Variants in PTPN13 observed in about 807,000 individuals in gnomAD.
PTPN13 encodes the protein protein tyrosine phosphatase non-receptor type 13.
A neutral mutation model predicts 284.0 loss-of-function variants in PTPN13; 191 were observed. That is an observed-to-expected ratio of 0.67 (90% CI 0.60 to 0.76). The LOEUF is 0.76. PTPN13 is among the 30% of genes least tolerant of loss of function. The probability of loss-of-function intolerance (pLI) is 0.00; values close to 1 mark genes in which losing one functional copy is unlikely to be tolerated. For missense variants in PTPN13, 2,797 were observed against 2,939.9 expected (o/e 0.95, Z 1.12); for synonymous variants, 986 against 1,022.3 (o/e 0.96, Z 0.68).
intron 47 of PTPN13, among the ~76,000 whole-genome samples, chr4:86,812,309 C>CA (rs555017151): frequency 0.16 from 9,035 of 55,922 alleles, 896 homozygotes; most frequent in East Asian, 0.34. Context: ...GACTCCGTCT[C>CA]AAAAAAAAAA....
chr4:86,811,167 G>C, intron 47 of PTPN13, 59 bp downstream of exon 47: 1 of 1,491,032 alleles, frequency 6.7e-7, no homozygotes, highest in Non-Finnish European at 9.1e-7. Flanking sequence ...TATTTTTTAA[G>C]GTTCTTATTA....
Position 86,775,156 on chromosome 4 carries a change from T to G in PTPN13, c.5509-15T>G. On this transcript the variant is annotated splice_polypyrimidine_tract_variant and intron_variant, in intron 33 of 47. Transcript: ENST00000411767. ...AAAATTGTGATCTTCACATGCCCCTTTCTTGTTTTTGTAGGTTAATGATAC... is the reference window on the plus strand; with the variant it reads ...AAAATTGTGATCTTCACATGCCCCTGTCTTGTTTTTGTAGGTTAATGATAC... 6 of 1,564,844 alleles carry G rather than the reference T, an allele frequency of 3.8e-6. No individual in the cohort carries two copies. Among genetic ancestry groups the G allele is most frequent in the Non-Finnish European group, 5.2e-6 (6 of 1,158,866 alleles).
intron 15 of PTPN13, among the ~76,000 whole-genome samples, chr4:86,738,840 C>G (rs554750523): frequency 6.6e-6 from 1 of 152,212 alleles, no homozygotes; most frequent in South Asian, 2.1e-4. Context: ...ACCACCATAC[C>G]TGGCTAATTT....
chr4:86,793,197 G>A (rs942618414), intron 40 of PTPN13, among the ~76,000 whole-genome samples: 2 of 151,990 alleles, frequency 1.3e-5, no homozygotes, highest in Admixed American at 6.6e-5. Flanking sequence ...AAAAAAGCAG[G>A]GGTTGCAATC....
At chr4:86,755,543 A>T (rs1033827114) in intron 20 of PTPN13, among the ~76,000 whole-genome samples, 1 of 152,054 alleles carries the variant, frequency 6.6e-6, no homozygotes, top group Non-Finnish European at 1.5e-5. Context: ...CAAACCACGA[A>T]CTATAGATGG....
chr4:86,600,291 C>G (rs1000905368), intron 1 of PTPN13, among the ~76,000 whole-genome samples: 16 of 151,964 alleles, frequency 1.1e-4, no homozygotes, highest in Admixed American at 4.6e-4. Context: ...TCCTATACCC[C>G]CTCCTTACAC....
chr4:86,683,573 A>T (rs1010946000), intron 3 of PTPN13, among the ~76,000 whole-genome samples: 1 of 152,128 alleles, frequency 6.6e-6, no homozygotes, highest in Non-Finnish European at 1.5e-5. Flanking sequence ...TGTTAATCTC[A>T]CCCAAAAACA....
At chr4:86,795,354 G>A (rs967898101) in intron 40 of PTPN13, among the ~76,000 whole-genome samples, 2 of 152,068 alleles carry the variant, frequency 1.3e-5, no homozygotes, top group East Asian at 1.9e-4. Flanking sequence ...ATCTCATGCC[G>A]GTTAGAATGG....
At chr4:86,623,829 A>G (rs1721529257) in intron 1 of PTPN13, among the ~76,000 whole-genome samples, 1 of 152,080 alleles carries the variant, frequency 6.6e-6, no homozygotes, top group African/African-American at 2.4e-5. Context: ...TTAAATGTCT[A>G]CTTTCTGACT....
At chr4:86,667,830 A>G (rs1218577573) in intron 2 of PTPN13, among the ~76,000 whole-genome samples, 1 of 152,186 alleles carries the variant, frequency 6.6e-6, no homozygotes, top group Non-Finnish European at 1.5e-5. Context: ...CTAAGTCTCA[A>G]AATGGTTTCC....
intron 2 of PTPN13, among the ~76,000 whole-genome samples, chr4:86,669,127 A>G (rs888706435): frequency 6.6e-6 from 1 of 151,702 alleles, no homozygotes; most frequent in Non-Finnish European, 1.5e-5. Flanking sequence ...AAAATAAGAA[A>G]TTAATTCTTT....
At chr4:86,674,894 CATTTAATAAT>C (rs543266932) in intron 3 of PTPN13, among the ~76,000 whole-genome samples, 2 of 152,162 alleles carry the variant, frequency 1.3e-5, no homozygotes, top group South Asian at 4.2e-4. Context: ...TTGTACGATT[CATTTAATAAT>C]ATTTTTAAAA....
At chr4:86,757,710 G>A (rs189251145) in intron 20 of PTPN13, among the ~76,000 whole-genome samples, 1 of 148,132 alleles carries the variant, frequency 6.8e-6, no homozygotes, top group African/African-American at 2.5e-5. Context: ...GCTACAGTGA[G>A]CTGTGATTAT....
chr4:86,688,689 G>T (rs537205754), intron 4 of PTPN13, among the ~76,000 whole-genome samples: 7 of 152,040 alleles, frequency 4.6e-5, no homozygotes, highest in Non-Finnish European at 8.8e-5. Context: ...TTGTGTGTGC[G>T]TGTGTACATG....
In PTPN13 at chr4:86,784,250, C is replaced by T. The variant is rs376075292; in HGVS notation, c.6025-215C>T. Among the ~76,000 whole-genome samples, 18 of 152,142 alleles carry T rather than the reference C, an allele frequency of 1.2e-4. No individual in the cohort carries two copies. In the East Asian group the frequency reaches 3.1e-3, roughly 26 times the overall value. On this transcript the variant is annotated intron_variant, in intron 37 of 47. Transcript: ENST00000411767. ...TAAAAATTTTGAGTTAATGTTGTTT[C>T]ACCTAGTATTTCCAGATATATTTAA...
chr4:86,757,779 T>G (rs1461334203), intron 20 of PTPN13, among the ~76,000 whole-genome samples: 1 of 128,832 alleles, frequency 7.8e-6, no homozygotes, highest in African/African-American at 3.2e-5. Context: ...AAAAAAAAAA[T>G]CCAGTTTCCT....
At chr4:86,617,760 C>T (rs1720733509) in intron 1 of PTPN13, among the ~76,000 whole-genome samples, 1 of 152,106 alleles carries the variant, frequency 6.6e-6, no homozygotes, top group African/African-American at 2.4e-5. Flanking sequence ...TATCCTTCAC[C>T]CACTTTTTGA....
intron 1 of PTPN13, 93 bp from the exon 2 acceptor site, chr4:86,635,159 C>T: frequency 7.5e-7 from 1 of 1,326,404 alleles, no homozygotes; most frequent in Non-Finnish European, 1.0e-6. Context: ...AGACAGGGGG[C>T]TTATAGTCTG....
chr4:86,612,214 A>AT (rs1331412212), intron 1 of PTPN13, among the ~76,000 whole-genome samples: 28 of 152,324 alleles, frequency 1.8e-4, no homozygotes, highest in African/African-American at 6.5e-4. Flanking sequence ...AAAATTTATG[A>AT]TATATAGCAT....
Sources: gnomAD v4.1 joint callset for allele counts (sites outside exome capture counted in the v4.1 genomes callset) on GRCh38, gnomAD v4.1.1 for gene constraint, MANE v1.5 for transcripts, NCBI Gene and HGNC (gene_info 2026-07-23, HGNC 2026-07-21) for gene names.